SORCS3: variants seen among roughly 807,000 people sequenced by gnomAD.
SORCS3 encodes the protein VPS10 domain-containing receptor SorCS3.
In SORCS3, 57 loss-of-function variants were observed where a neutral mutation model predicts 146.3. That is an observed-to-expected ratio of 0.39 (90% CI 0.31 to 0.49). The LOEUF (loss-of-function observed/expected upper bound fraction) is 0.49, where lower values mean the gene tolerates loss of function less well. Among genes scored for constraint, SORCS3 ranks in the 20% least tolerant of loss-of-function variants. The probability of loss-of-function intolerance (pLI) is 0.92; values close to 1 mark genes in which losing one functional copy is unlikely to be tolerated. For missense variants in SORCS3, 1,341 were observed against 1,575.5 expected (o/e 0.85, Z 2.52); for synonymous variants, 653 against 618.5 (o/e 1.06, Z -0.83).
chr10:105,151,413 G>A (rs868283269), intron 9 of SORCS3, among the ~76,000 whole-genome samples: 7 of 152,020 alleles, frequency 4.6e-5, no homozygotes, highest in Middle Eastern at 3.4e-3. Context: ...GAAAATATTC[G>A]CACGTGTGAT....
chr10:104,723,482 A>C lies in SORCS3; in HGVS notation c.627+81528A>C, dbSNP rs536423869. Among the ~76,000 whole-genome samples the C allele has an allele frequency of 5.2e-3, 791 of 152,258 alleles. 5 individuals carry two copies. Among genetic ancestry groups the C allele is most frequent in the African/African-American group, 0.018 (737 of 41,544 alleles). ...TGATTTGGGGTGGAGAGTGCTGTAG[A>C]TGTCTATTAGGTCTGCTTGATGCAG... On this transcript the variant is annotated intron_variant, in intron 1 of 26. Coordinates refer to ENST00000369701, the MANE Select transcript of SORCS3 (RefSeq NM_014978.3).
rs550135483 is a variant in SORCS3, at chr10:104,909,593, G to T, written c.696-6240G>T. Among the ~76,000 whole-genome samples, 4 of 152,098 alleles carry T rather than the reference G, an allele frequency of 2.6e-5. No individual in the cohort carries two copies. The South Asian group carries it at 8.3e-4, about 32-fold the overall frequency. ...TGAGGAGAGGACTGAGGACCAGGGT[G>T]GTAAACACCAGAAGAAGGTGCTGAC... On this transcript the variant is annotated intron_variant, in intron 2 of 26. Coordinates refer to ENST00000369701, the MANE Select transcript of SORCS3 (RefSeq NM_014978.3).
At chr10:105,098,163 T>A (rs1248225534) in intron 6 of SORCS3, among the ~76,000 whole-genome samples, 1 of 152,160 alleles carries the variant, frequency 6.6e-6, no homozygotes, top group Non-Finnish European at 1.5e-5. Context: ...ACTTTGGAAT[T>A]GTGTGAACTC....
intron 4 of SORCS3, among the ~76,000 whole-genome samples, chr10:105,010,567 A>T (rs1221653359): frequency 6.6e-6 from 1 of 152,202 alleles, no homozygotes; most frequent in African/African-American, 2.4e-5. Context: ...GTGATTTTCC[A>T]CTGCATTACC....
intron 1 of SORCS3, among the ~76,000 whole-genome samples, chr10:104,696,065 A>G (rs1243434704): frequency 2.1e-5 from 2 of 95,144 alleles, no homozygotes; most frequent in Admixed American, 2.8e-4. Flanking sequence ...CACATATTAT[A>G]TATAATATAT....
chr10:104,735,103 C>G (rs994409361), intron 1 of SORCS3, among the ~76,000 whole-genome samples: 2 of 152,146 alleles, frequency 1.3e-5, no homozygotes, highest in Non-Finnish European at 2.9e-5. Flanking sequence ...TAAAGCACAT[C>G]AAGAAAGAGA....
intron 3 of SORCS3, among the ~76,000 whole-genome samples, chr10:104,953,231 G>C (rs1175812219): frequency 5.9e-5 from 9 of 152,164 alleles, no homozygotes. Flanking sequence ...GACCCATCAT[G>C]GTGAAGGCTC....
At chr10:105,162,646 A>C (rs74323100) in intron 11 of SORCS3, among the ~76,000 whole-genome samples, 1 of 152,308 alleles carries the variant, frequency 6.6e-6, no homozygotes, top group African/African-American at 2.4e-5. Context: ...ATATTTCCAC[A>C]AATAGAGTTC....
chr10:104,816,603 G>A (rs1370663941), intron 1 of SORCS3, among the ~76,000 whole-genome samples: 1 of 152,196 alleles, frequency 6.6e-6, no homozygotes, highest in Non-Finnish European at 1.5e-5. Flanking sequence ...TAGTGAATTA[G>A]TAGCTATTCC....
intron 4 of SORCS3, among the ~76,000 whole-genome samples, chr10:104,982,015 A>G (rs1761343230): frequency 6.6e-6 from 1 of 152,200 alleles, no homozygotes; most frequent in South Asian, 2.1e-4. Context: ...AAATGCTAGC[A>G]CACATAATGA....
At chr10:104,741,895 A>G (rs1245806748) in intron 1 of SORCS3, among the ~76,000 whole-genome samples, 1 of 151,782 alleles carries the variant, frequency 6.6e-6, no homozygotes, top group Non-Finnish European at 1.5e-5. Context: ...TATGACGGCT[A>G]CTTTAAACTC....
At chr10:105,221,841 C>G (rs12356433) in intron 19 of SORCS3, among the ~76,000 whole-genome samples, 1 of 151,814 alleles carries the variant, frequency 6.6e-6, no homozygotes, top group Non-Finnish European at 1.5e-5. Context: ...AAAATGTGCT[C>G]TGACATAATA....
At chr10:104,953,244 C>T (rs2019452287) in intron 3 of SORCS3, among the ~76,000 whole-genome samples, 1 of 152,198 alleles carries the variant, frequency 6.6e-6, no homozygotes, top group Non-Finnish European at 1.5e-5. Context: ...GAAGGCTCTG[C>T]TGAATTACAT....
chr10:105,061,948 A>C (rs1241886179), intron 5 of SORCS3, among the ~76,000 whole-genome samples: 1 of 152,172 alleles, frequency 6.6e-6, no homozygotes, highest in Non-Finnish European at 1.5e-5. Flanking sequence ...AAATTCCCAG[A>C]GAGTGACCCA....
At chr10:104,684,779 GTTTTTTTTTTTTTTTTTTTTTTTTTTTT>G (rs764055039) in intron 1 of SORCS3, among the ~76,000 whole-genome samples, 58 of 81,558 alleles carry the variant, frequency 7.1e-4, no homozygotes, top group African/African-American at 8.9e-4. Context: ...AGTCCTCAGT[GTTTTTTTTTTTTTTTTTTTTTTTTTTTT>G]TTTTTTTTTT....
intron 2 of SORCS3, among the ~76,000 whole-genome samples, chr10:104,910,535 A>G (rs538829765): frequency 8.3e-4 from 126 of 152,372 alleles, no homozygotes; most frequent in Admixed American, 1.6e-3. Context: ...TAACACGGAT[A>G]CATCTCACAA....
intron 5 of SORCS3, among the ~76,000 whole-genome samples, chr10:105,073,447 T>G (rs1312758778): frequency 6.6e-6 from 1 of 152,186 alleles, no homozygotes; most frequent in East Asian, 1.9e-4. Context: ...TTAATGCTGG[T>G]GTGCTCTGCA....
At chr10:105,180,671 A>G (rs779542924) in intron 14 of SORCS3, among the ~76,000 whole-genome samples, 1 of 152,140 alleles carries the variant, frequency 6.6e-6, no homozygotes, top group Non-Finnish European at 1.5e-5. Flanking sequence ...ATGGCCTACA[A>G]GTATCTATAT....
chr10:105,055,470 G>C (rs1280032591), intron 5 of SORCS3, among the ~76,000 whole-genome samples: 1 of 152,096 alleles, frequency 6.6e-6, no homozygotes, highest in African/African-American at 2.4e-5. Context: ...TAACCTTTGT[G>C]ACCAGTGCTC....
Sources: allele counts gnomAD v4.1 joint callset (sites outside exome capture counted in the v4.1 genomes callset), GRCh38; gene constraint gnomAD v4.1.1; transcripts MANE v1.5; gene names NCBI Gene and HGNC (gene_info 2026-07-23, HGNC 2026-07-21).